The following DMD variants were observed in gnomAD, a reference collection of about 807,000 sequenced individuals.
DMD encodes mutant dystrophin.
In DMD, 63 loss-of-function variants were observed where a neutral mutation model predicts 330.1. That is an observed-to-expected ratio of 0.19 (90% CI 0.16 to 0.24). DMD has a LOEUF of 0.24. Ranked by LOEUF, DMD falls within the 10% of genes least tolerant of loss-of-function variation. The probability of loss-of-function intolerance (pLI) is 1.00; values close to 1 mark genes in which losing one functional copy is unlikely to be tolerated. For synonymous variants in DMD, 1,223 were observed against 959.8 expected, an observed-to-expected ratio of 1.27 and a Z score of -5.07; for missense variants, 3,344 against 2,684.1, an observed-to-expected ratio of 1.25 and a Z score of -5.43.
At chrX:32,538,379 G>C (rs1018205713) in intron 17 of DMD, among the ~76,000 whole-genome samples, 3 of 110,686 alleles carry the variant, frequency 2.7e-5, no homozygotes, top group Non-Finnish European at 5.7e-5. Flanking sequence ...CCCCCACTGA[G>C]CACCTTGTGA....
At chrX:32,439,771 C>T (rs1454500070) in intron 28 of DMD, among the ~76,000 whole-genome samples, 1 of 111,056 alleles carries the variant, frequency 9.0e-6, no homozygotes, top group African/African-American at 3.3e-5. Context: ...TATTTTTTCA[C>T]TGTGGAATTT....
intron 1 of DMD, among the ~76,000 whole-genome samples, chrX:33,123,456 G>A (rs922703967): frequency 1.8e-5 from 2 of 110,390 alleles, no homozygotes; most frequent in African/African-American, 6.6e-5. Flanking sequence ...TACCTCTGTC[G>A]CCCAGGCTGG....
At chrX:31,960,035 A>AG (rs1250591769) in intron 45 of DMD, among the ~76,000 whole-genome samples, 3 of 108,784 alleles carry the variant, frequency 2.8e-5, no homozygotes, top group Non-Finnish European at 5.7e-5. Flanking sequence ...CTGGGATTAT[A>AG]GGTGTGAGCC....
rs772056377 is a variant in DMD, at chrX:32,674,561, T to C, written c.960+23309A>G. ...TTGTTATTACTCTCAGTTCTAGATA[T>C]GCGCTCGGTTTTTGTGCAAGCCAAG... On this transcript the variant is annotated intron_variant, in intron 9 of 78. Transcript: ENST00000357033. 4.5e-5 allele frequency among the ~76,000 whole-genome samples: 5 copies of C among 111,330 alleles called. No individual in the cohort carries two copies. The South Asian group carries it at 1.9e-3, about 42-fold the overall frequency.
Position 31,147,059 on chromosome X carries a change from A to G in DMD, c.10797+216T>C, listed in dbSNP as rs190143703. Among the ~76,000 whole-genome samples the G allele has an allele frequency of 1.2e-3, 135 of 111,729 alleles. No homozygotes were observed. Among genetic ancestry groups the G allele is most frequent in the Non-Finnish European group, 1.3e-3 (70 of 53,123 alleles). ...TGTATTTCAAATTGGTCAAGAAAAAACCATTTTGGTAGGAAACAATATTGG... is the reference window on the plus strand; with the variant it reads ...TGTATTTCAAATTGGTCAAGAAAAAGCCATTTTGGTAGGAAACAATATTGG... On this transcript the variant is annotated intron_variant, in intron 75 of 78. Transcript: ENST00000357033.
At chrX:32,856,514 C>T (rs747866025) in intron 2 of DMD, among the ~76,000 whole-genome samples, 1 of 111,635 alleles carries the variant, frequency 9.0e-6, no homozygotes, top group African/African-American at 3.3e-5. Flanking sequence ...TTTGCAACAA[C>T]GTGGATGGAA....
chrX:32,598,396 C>T (rs1177812417), intron 12 of DMD, among the ~76,000 whole-genome samples: 1 of 111,277 alleles, frequency 9.0e-6, no homozygotes, highest in Middle Eastern at 4.3e-3. Context: ...GGACTGGGAA[C>T]ATTTTGAAGG....
intron 55 of DMD, among the ~76,000 whole-genome samples, chrX:31,538,014 T>G (rs142244114): frequency 0.012 from 1,310 of 111,970 alleles, 16 homozygotes; most frequent in African/African-American, 0.034. Context: ...GCAAACACAG[T>G]GATTAATGCA....
chrX:31,180,299 T>G lies in DMD; in HGVS notation c.10086+71A>C, dbSNP rs1382044332. The G allele has an allele frequency of 1.4e-5, 10 of 704,243 alleles. No individual in the cohort carries two copies. The East Asian group carries it at 2.9e-4, about 20-fold the overall frequency. 58.0% of individuals were successfully genotyped at this position (704,243 alleles called of 1,213,427 possible). On this transcript the variant is annotated intron_variant, in intron 69 of 78. Transcript: ENST00000357033. ...ACAAATCACAGCATTATACATGATC[T>G]GCAGTATTGTACAAAACTGAAATTT... is the stretch of plus-strand genomic sequence containing the variant.
chrX:32,229,723 T>TATAA (rs1364464092), intron 43 of DMD, among the ~76,000 whole-genome samples: 1 of 71,305 alleles, frequency 1.4e-5, no homozygotes, highest in Non-Finnish European at 2.6e-5. Flanking sequence ...TATATATATA[T>TATAA]ATAAAATCAA....
intron 60 of DMD, among the ~76,000 whole-genome samples, chrX:31,373,634 T>C (rs1385618251): frequency 1.8e-5 from 2 of 109,441 alleles, no homozygotes; most frequent in Admixed American, 2.0e-4. Context: ...AAGCTGAAAC[T>C]GGATCCCTTC....
intron 44 of DMD, among the ~76,000 whole-genome samples, chrX:32,192,685 C>T (rs886484182): frequency 8.1e-5 from 9 of 111,396 alleles, no homozygotes; most frequent in African/African-American, 2.9e-4. Flanking sequence ...GGCATGGCTA[C>T]TTTGGAATAT....
chrX:33,009,466 A>ATGTGTGTATGTGTATACACATG (rs2093559587), intron 2 of DMD, among the ~76,000 whole-genome samples: 2 of 42,785 alleles, frequency 4.7e-5, no homozygotes, highest in East Asian at 1.2e-3. Context: ...GTATACACAT[A>ATGTGTGTATGTGTATACACATG]TGTGTGTATG....
chrX:32,575,831 A>C (rs1393952685), intron 13 of DMD, among the ~76,000 whole-genome samples: 1 of 112,028 alleles, frequency 8.9e-6, no homozygotes, highest in Non-Finnish European at 1.9e-5. Flanking sequence ...GAAGACAGTC[A>C]AGGGAAGAAG....
At chrX:32,226,702 C>G (rs1450056354) in intron 43 of DMD, among the ~76,000 whole-genome samples, 3 of 111,378 alleles carry the variant, frequency 2.7e-5, no homozygotes, top group African/African-American at 9.8e-5. Context: ...AGTTATCTCA[C>G]ACATAAACCC....
intron 59 of DMD, among the ~76,000 whole-genome samples, chrX:31,468,987 C>A (rs1325258990): frequency 9.0e-6 from 1 of 110,850 alleles, no homozygotes; most frequent in East Asian, 2.8e-4. Flanking sequence ...AGGATTGCAA[C>A]CCCTGCTTTT....
At chrX:32,406,903 G>T (rs1196305855) in intron 30 of DMD, among the ~76,000 whole-genome samples, 1 of 110,970 alleles carries the variant, frequency 9.0e-6, no homozygotes, top group Non-Finnish European at 1.9e-5. Flanking sequence ...AAATGGTGCT[G>T]GGAAAACTGG....
intron 11 of DMD, among the ~76,000 whole-genome samples, chrX:32,642,243 T>C (rs1278015277): frequency 2.7e-5 from 3 of 112,265 alleles, no homozygotes; most frequent in Non-Finnish European, 5.6e-5. Flanking sequence ...ATATTCATTT[T>C]TAAGGAATTT....
chrX:32,994,242 T>C (rs775486539), intron 2 of DMD, among the ~76,000 whole-genome samples: 47 of 109,750 alleles, frequency 4.3e-4, no homozygotes, highest in Non-Finnish European at 8.3e-4. Context: ...TCACTTCCGC[T>C]GTTTCCCGAA....
Sources: gnomAD v4.1 joint callset for allele counts (sites outside exome capture counted in the v4.1 genomes callset) on GRCh38, gnomAD v4.1.1 for gene constraint, MANE v1.5 for transcripts, NCBI Gene and HGNC (gene_info 2026-07-23, HGNC 2026-07-21) for gene names.